Variants in RGS5 observed in about 807,000 individuals in gnomAD.
RGS5 encodes regulator of G protein signaling 5.
Under a neutral mutation model 18.9 loss-of-function variants are expected in RGS5, and 20 were observed. The ratio of observed to expected loss-of-function variants is 1.06; its 90% CI spans 0.74 to 1.54. RGS5 has a LOEUF of 1.54. Ranked by LOEUF, RGS5 falls within the 40% of genes most tolerant of loss-of-function variation. The probability of loss-of-function intolerance (pLI) is 0.00; values close to 1 mark genes in which losing one functional copy is unlikely to be tolerated. For missense variants in RGS5, 201 were observed against 211.8 expected (o/e 0.95, Z 0.32); for synonymous variants, 57 against 76.2 (o/e 0.75, Z 1.31).
intron 2 of RGS5, among the ~76,000 whole-genome samples, chr1:163,241,683 A>G (rs1324529284): frequency 6.6e-6 from 1 of 152,258 alleles, no homozygotes; most frequent in African/African-American, 2.4e-5. Flanking sequence ...TGAAATGATC[A>G]GGCTGACCAG....
At position 163,240,501 on chromosome 1, in the gene RGS5, C is replaced by A. The variant is rs146061387; in HGVS notation, c.-281+65732G>T. ...TTGACTGGAAGTGGAAATGAAGGAA[C>A]TCTTAGGGATAATTGGAAAAAAAAT... On this transcript the variant is annotated intron_variant, in intron 2 of 5. Coordinates refer to the RGS5 transcript ENST00000618415. Among the ~76,000 whole-genome samples, 58 of 150,974 alleles carry A rather than the reference C, an allele frequency of 3.8e-4. 1 individual carries two copies. The East Asian group carries it at 0.011, about 28-fold the overall frequency.
At chr1:163,295,102 C>T (rs1475845015) in intron 2 of RGS5, among the ~76,000 whole-genome samples, 1 of 152,146 alleles carries the variant, frequency 6.6e-6, no homozygotes, top group Non-Finnish European at 1.5e-5. Context: ...GCCACATTGT[C>T]CTATTTTCTT....
chr1:163,254,021 G>A (rs12753558), intron 2 of RGS5, among the ~76,000 whole-genome samples: 21,797 of 150,412 alleles, frequency 0.14, 1,887 homozygotes, highest in Non-Finnish European at 0.19. Context: ...TGGTGTATAT[G>A]TGCCACATTT....
chr1:163,175,222 G>C (rs1277933061), intron 1 of RGS5, among the ~76,000 whole-genome samples: 2 of 152,140 alleles, frequency 1.3e-5, no homozygotes, highest in East Asian at 3.9e-4. Context: ...CCAGAGGAGA[G>C]AGGAGCTCCT....
intron 1 of RGS5, among the ~76,000 whole-genome samples, chr1:163,314,595 G>A (rs2101652367): frequency 6.6e-6 from 1 of 152,092 alleles, no homozygotes; most frequent in South Asian, 2.1e-4. Context: ...AAATTTTTCT[G>A]ATTTATGATA....
At chr1:163,221,851 C>A, upstream of RGS5, among the ~76,000 whole-genome samples, 1 of 152,168 alleles carries the variant, frequency 6.6e-6, no homozygotes, top group South Asian at 2.1e-4. Context: ...AAAGAGCTGT[C>A]AACATCTCTA....
intron 2 of RGS5, among the ~76,000 whole-genome samples, chr1:163,243,276 C>A (rs1647837430): frequency 6.6e-6 from 1 of 152,086 alleles, no homozygotes; most frequent in Non-Finnish European, 1.5e-5. Context: ...GAACATCACA[C>A]ACTGGGACCC....
intron 2 of RGS5, among the ~76,000 whole-genome samples, chr1:163,287,715 T>A (rs1009699443): frequency 7.2e-5 from 11 of 152,214 alleles, no homozygotes; most frequent in African/African-American, 2.4e-4. Flanking sequence ...ACTACCTAAA[T>A]TAACAGAATA....
At chr1:163,221,720 T>A (rs1451220235), upstream of RGS5, among the ~76,000 whole-genome samples, 1 of 152,218 alleles carries the variant, frequency 6.6e-6, no homozygotes, top group Non-Finnish European at 1.5e-5. Context: ...TTTATTTTAG[T>A]AAAGTTACTA....
At chr1:163,202,165 T>C (rs1183105780) in intron 1 of RGS5, among the ~76,000 whole-genome samples, 3 of 152,244 alleles carry the variant, frequency 2.0e-5, no homozygotes, top group Admixed American at 2.0e-4. Context: ...TTCTATCTAA[T>C]GAGGTCAGAG....
At chr1:163,219,356 T>G (rs978857574), upstream of RGS5, among the ~76,000 whole-genome samples, 2 of 152,178 alleles carry the variant, frequency 1.3e-5, no homozygotes, top group Non-Finnish European at 2.9e-5. Flanking sequence ...TAGGATGTAC[T>G]CTTTTGTGTC....
chr1:163,272,035 TCC>T (rs1188097914), intron 2 of RGS5, among the ~76,000 whole-genome samples: 20 of 151,894 alleles, frequency 1.3e-4, no homozygotes, highest in African/African-American at 4.6e-4. Context: ...TCTCTCTGTC[TCC>T]CTCTCTCTCT....
chr1:163,303,718 C>T (rs556962336), intron 2 of RGS5, among the ~76,000 whole-genome samples: 17 of 152,278 alleles, frequency 1.1e-4, no homozygotes, highest in African/African-American at 4.1e-4. Context: ...TGTTAGGAAC[C>T]AGGCCACACA....
In RGS5 at chr1:163,273,907, G is replaced by T. The variant is rs929870009; in HGVS notation, c.-281+32326C>A. ...TTCTCTGGAATGTATGGTTGATAAT[G>T]TCTTTGGGTTTTTTCTTGTTTTTAT... On this transcript the variant is annotated intron_variant, in intron 2 of 5. Transcript: ENST00000618415. Among the ~76,000 whole-genome samples the T allele has an allele frequency of 5.9e-5, 9 of 152,136 alleles. 1 individual carries two copies. The highest frequency in any genetic ancestry group is 8.8e-5 in the Non-Finnish European group (6 of 68,022).
chr1:163,320,483 A>G (rs1279858496), intron 1 of RGS5, among the ~76,000 whole-genome samples: 1 of 152,178 alleles, frequency 6.6e-6, no homozygotes, highest in South Asian at 2.1e-4. Flanking sequence ...AGGGATTTCA[A>G]TCCAACTCCC....
At chr1:163,278,226 C>G (rs576439256) in intron 2 of RGS5, among the ~76,000 whole-genome samples, 63 of 151,862 alleles carry the variant, frequency 4.1e-4, no homozygotes, top group Non-Finnish European at 7.2e-4. Flanking sequence ...GGTCAAAAGT[C>G]AAAGACAAAG....
intron 2 of RGS5, among the ~76,000 whole-genome samples, chr1:163,249,589 G>A (rs113081098): frequency 0.018 from 2,670 of 152,310 alleles, 73 homozygotes; most frequent in African/African-American, 0.059. Flanking sequence ...TCAGGAGTTG[G>A]AGACCAGCGT....
At chr1:163,190,305 G>T (rs1316952067) in intron 1 of RGS5, among the ~76,000 whole-genome samples, 1 of 151,958 alleles carries the variant, frequency 6.6e-6, no homozygotes, top group Non-Finnish European at 1.5e-5. Flanking sequence ...TCCATTTGAG[G>T]GTCAATTATT....
chr1:163,222,346 C>T (rs983808970), upstream of RGS5, among the ~76,000 whole-genome samples: 11 of 152,106 alleles, frequency 7.2e-5, no homozygotes, highest in Non-Finnish European at 1.3e-4. Context: ...AATCTAATGC[C>T]TGATGATCTG....
Sources: gnomAD v4.1 joint callset for allele counts (sites outside exome capture counted in the v4.1 genomes callset) on GRCh38, gnomAD v4.1.1 for gene constraint, MANE v1.5 for transcripts, NCBI Gene and HGNC (gene_info 2026-07-23, HGNC 2026-07-21) for gene names.